SMYD3: variants seen among roughly 807,000 people sequenced by gnomAD.
SMYD3 encodes histone-lysine N-methyltransferase SMYD3.
A neutral mutation model predicts 57.7 loss-of-function variants in SMYD3; 36 were observed. The ratio of observed to expected loss-of-function variants is 0.62; its 90% CI spans 0.48 to 0.82. The LOEUF is 0.82. Among genes scored for constraint, SMYD3 ranks in the 40% least tolerant of loss-of-function variants. SMYD3 has a pLI of 0.00. For synonymous variants in SMYD3, 211 were observed against 195.0 expected (o/e 1.08, Z -0.68); for missense variants, 515 against 538.8 (o/e 0.96, Z 0.44).
chr1:246,216,211 C>T lies in SMYD3; in HGVS notation c.531+110990G>A, dbSNP rs536326596. 5.3e-5 allele frequency among the ~76,000 whole-genome samples: 8 copies of T among 150,062 alleles called. 1 individual carries two copies. Among genetic ancestry groups the T allele is most frequent in the African/African-American group, 2.0e-4 (8 of 40,618 alleles). On this transcript the variant is annotated intron_variant, in intron 5 of 11. Transcript: ENST00000490107. ...CTGAGGCAGGAGAATCGCTTGAACC[C>T]GGGAGGCAGAGGTTGCAGTGAGCCG...
At chr1:246,216,554 T>C (rs1043469369) in intron 5 of SMYD3, among the ~76,000 whole-genome samples, 3 of 152,136 alleles carry the variant, frequency 2.0e-5, no homozygotes, top group African/African-American at 7.2e-5. Flanking sequence ...TGCTATGGCA[T>C]TGTTATAAAA....
intron 5 of SMYD3, among the ~76,000 whole-genome samples, chr1:246,040,399 C>A (rs1048862948): frequency 1.3e-5 from 2 of 152,332 alleles, no homozygotes; most frequent in South Asian, 2.1e-4. Context: ...TTTTTTCTCA[C>A]GAAAATGTGA....
intron 5 of SMYD3, among the ~76,000 whole-genome samples, chr1:245,986,055 C>A (rs909282962): frequency 2.0e-5 from 3 of 152,150 alleles, no homozygotes; most frequent in Admixed American, 1.3e-4. Flanking sequence ...AAACACACTC[C>A]CCTGGCAGTA....
intron 1 of SMYD3, among the ~76,000 whole-genome samples, chr1:246,438,208 A>C (rs566960321): frequency 8.5e-5 from 13 of 152,350 alleles, no homozygotes; most frequent in Admixed American, 7.8e-4. Flanking sequence ...GCAAACGTTC[A>C]GAGGGAATTT....
At chr1:246,339,659 GGCT>G (rs1407919628) in intron 2 of SMYD3, among the ~76,000 whole-genome samples, 1 of 152,182 alleles carries the variant, frequency 6.6e-6, no homozygotes, top group Non-Finnish European at 1.5e-5. Context: ...CCCACTGCAG[GGCT>G]GCTATGGTTT....
At chr1:245,949,551 T>G (rs1431656268) in intron 5 of SMYD3, among the ~76,000 whole-genome samples, 5 of 152,244 alleles carry the variant, frequency 3.3e-5, no homozygotes, top group Non-Finnish European at 7.3e-5. Flanking sequence ...GGCTCACGCC[T>G]GTAATCCCAG....
At chr1:245,848,055 A>G (rs1459234782) in intron 10 of SMYD3, among the ~76,000 whole-genome samples, 2 of 151,956 alleles carry the variant, frequency 1.3e-5, no homozygotes, top group African/African-American at 4.8e-5. Context: ...TTATTCCACA[A>G]GGAAGTTGTT....
intron 1 of SMYD3, among the ~76,000 whole-genome samples, chr1:246,467,478 A>C (rs939364975): frequency 4.6e-5 from 7 of 152,232 alleles, no homozygotes; most frequent in Non-Finnish European, 8.8e-5. Flanking sequence ...AAAAGAGGGA[A>C]GACTCGAATA....
intron 5 of SMYD3, chr1:246,326,309 G>A (rs557137519): frequency 7.7e-6 from 5 of 649,142 alleles, no homozygotes; most frequent in Admixed American, 6.2e-5. Flanking sequence ...AGAAAGCGAG[G>A]ACAGCAGATC....
At chr1:245,839,931 A>G (rs2050318035) in intron 10 of SMYD3, among the ~76,000 whole-genome samples, 1 of 152,204 alleles carries the variant, frequency 6.6e-6, no homozygotes, top group Admixed American at 6.5e-5. Context: ...AAAAGGAACT[A>G]TCCAAAAACA....
intron 1 of SMYD3, among the ~76,000 whole-genome samples, chr1:246,419,501 C>T (rs2067110512): frequency 6.6e-6 from 1 of 152,158 alleles, no homozygotes; most frequent in Admixed American, 6.5e-5. Context: ...CCAGGGTAGT[C>T]TTGGAAAATG....
intron 10 of SMYD3, among the ~76,000 whole-genome samples, chr1:245,765,045 T>TGCACACACACACACACACAC (rs144137711): frequency 2.5e-4 from 34 of 134,820 alleles, no homozygotes; most frequent in Admixed American, 1.4e-3. Context: ...TGGAAATGCC[T>TGCACACACACACACACACAC]ACACACACAC....
In SMYD3 at chr1:246,484,859, A is replaced by C. The variant is rs2068162256; in HGVS notation, c.164+22195T>G. On this transcript the variant is annotated intron_variant, in intron 1 of 11. Coordinates refer to ENST00000490107, the MANE Select transcript of SMYD3 (RefSeq NM_001167740.2). ...TCAACCAAAATACCTAAACTACTGC[A>C]CTAGTTACACCTGAAAACACATCAC... Among the ~76,000 whole-genome samples, 2 of 108,580 alleles carry C rather than the reference A, an allele frequency of 1.8e-5. 1 individual carries two copies. Among genetic ancestry groups the C allele is most frequent in the Non-Finnish European group, 4.0e-5 (2 of 49,636 alleles). The allele number at this position is 108,580 out of a possible 152,430, so 71.2% of individuals were successfully genotyped here.
chr1:245,789,678 T>G (rs1371401602), intron 10 of SMYD3, among the ~76,000 whole-genome samples: 1 of 152,230 alleles, frequency 6.6e-6, no homozygotes, highest in African/African-American at 2.4e-5. Flanking sequence ...ATATTTTACC[T>G]ATTTCCACCA....
chr1:246,372,563 G>A (rs2148732690), intron 1 of SMYD3, among the ~76,000 whole-genome samples: 1 of 152,298 alleles, frequency 6.6e-6, no homozygotes, highest in Middle Eastern at 3.4e-3. Context: ...AGTAGGTACA[G>A]AAAGAGGAGA....
chr1:246,218,450 C>A (rs553418489), intron 5 of SMYD3, among the ~76,000 whole-genome samples: 1 of 151,958 alleles, frequency 6.6e-6, no homozygotes, highest in Admixed American at 6.6e-5. Context: ...GGTGAAACCC[C>A]GTCTCTACTA....
intron 5 of SMYD3, among the ~76,000 whole-genome samples, chr1:246,019,687 T>A (rs2059436286): frequency 6.6e-6 from 1 of 152,220 alleles, no homozygotes; most frequent in Non-Finnish European, 1.5e-5. Flanking sequence ...TGTGCTATCT[T>A]AAATGCCAAT....
At chr1:246,284,345 C>A (rs1273401757) in intron 5 of SMYD3, among the ~76,000 whole-genome samples, 2 of 152,192 alleles carry the variant, frequency 1.3e-5, no homozygotes, top group African/African-American at 2.4e-5. Flanking sequence ...ACCAGGTCAG[C>A]AACGTGAATT....
chr1:245,948,523 T>A (rs1310552697), intron 5 of SMYD3, among the ~76,000 whole-genome samples: 1 of 152,148 alleles, frequency 6.6e-6, no homozygotes, highest in Non-Finnish European at 1.5e-5. Context: ...GGGACCACGC[T>A]GTGGCACTGC....
Sources: gnomAD v4.1 joint callset for allele counts (sites outside exome capture counted in the v4.1 genomes callset) on GRCh38, gnomAD v4.1.1 for gene constraint, MANE v1.5 for transcripts, NCBI Gene and HGNC (gene_info 2026-07-23, HGNC 2026-07-21) for gene names.